Variants in HPSE2 observed in about 807,000 individuals in gnomAD.
HPSE2 encodes inactive heparanase-2.
Under a neutral mutation model 60.5 loss-of-function variants are expected in HPSE2, and 38 were observed. The ratio of observed to expected loss-of-function variants is 0.63; its 90% CI spans 0.48 to 0.82. The LOEUF (loss-of-function observed/expected upper bound fraction) is 0.82. Among genes scored for constraint, HPSE2 ranks in the 40% least tolerant of loss-of-function variants. HPSE2 has a pLI of 0.00. For synonymous variants in HPSE2, 295 were observed against 293.2 expected (o/e 1.01, Z -0.06); for missense variants, 713 against 740.4 (o/e 0.96, Z 0.43).
intron 9 of HPSE2, among the ~76,000 whole-genome samples, chr10:98,493,920 A>AT (rs1941744382): frequency 6.6e-6 from 1 of 152,068 alleles, no homozygotes; most frequent in Admixed American, 6.5e-5. Context: ...AAATGTTTAA[A>AT]TTCCTTTCTC....
chr10:98,705,714 A>G (rs1270940532), intron 5 of HPSE2, among the ~76,000 whole-genome samples: 2 of 152,136 alleles, frequency 1.3e-5, no homozygotes, highest in Non-Finnish European at 2.9e-5. Flanking sequence ...ATGAGAACAC[A>G]TGGACACAGG....
chr10:98,771,314 C>G (rs143397784), intron 3 of HPSE2, among the ~76,000 whole-genome samples: 6 of 152,090 alleles, frequency 3.9e-5, no homozygotes, highest in African/African-American at 4.8e-5. Flanking sequence ...AACCCAGTAC[C>G]CTGAAATATG....
intron 11 of HPSE2, among the ~76,000 whole-genome samples, chr10:98,470,607 G>C (rs781532738): frequency 1.3e-5 from 2 of 152,232 alleles, no homozygotes; most frequent in Admixed American, 6.5e-5. Flanking sequence ...AGGGGAAGAA[G>C]AAGACGAGGG....
intron 4 of HPSE2, among the ~76,000 whole-genome samples, chr10:98,728,834 C>G (rs977552395): frequency 2.0e-5 from 3 of 151,824 alleles, no homozygotes; most frequent in African/African-American, 7.3e-5. Flanking sequence ...ACAGTGAAAC[C>G]CCATGTCTAC....
intron 3 of HPSE2, among the ~76,000 whole-genome samples, chr10:99,055,227 T>C (rs1177957611): frequency 1.3e-5 from 2 of 152,066 alleles, no homozygotes; most frequent in Non-Finnish European, 2.9e-5. Context: ...CTATTGTAAA[T>C]ATGTAAAGAA....
chr10:99,074,618 T>C (rs1348748710), intron 3 of HPSE2, among the ~76,000 whole-genome samples: 1 of 152,158 alleles, frequency 6.6e-6, no homozygotes, highest in South Asian at 2.1e-4. Context: ...TGGACGAGTT[T>C]GAGAAGGATC....
chr10:98,563,040 C>T (rs189544109), intron 9 of HPSE2, among the ~76,000 whole-genome samples: 2 of 152,266 alleles, frequency 1.3e-5, no homozygotes, highest in East Asian at 3.9e-4. Context: ...AAAGGTTACA[C>T]ACAGAGTTAC....
intron 3 of HPSE2, among the ~76,000 whole-genome samples, chr10:98,990,740 G>A (rs1292504840): frequency 1.3e-5 from 2 of 152,092 alleles, no homozygotes; most frequent in Admixed American, 6.5e-5. Flanking sequence ...TTAGATCCTG[G>A]AGCTCTAGCA....
chr10:98,620,374 A>G (rs1946040428), intron 8 of HPSE2, among the ~76,000 whole-genome samples: 1 of 152,202 alleles, frequency 6.6e-6, no homozygotes, highest in Non-Finnish European at 1.5e-5. Context: ...TATTACTGTT[A>G]CTACTATTAC....
At chr10:98,956,254 T>TA (rs992293888) in intron 3 of HPSE2, among the ~76,000 whole-genome samples, 8 of 150,876 alleles carry the variant, frequency 5.3e-5, no homozygotes, top group South Asian at 4.2e-4. Context: ...GGACAAACAA[T>TA]AAAAAAAAGA....
intron 3 of HPSE2, among the ~76,000 whole-genome samples, chr10:99,089,395 T>C (rs1843436033): frequency 6.6e-6 from 1 of 152,188 alleles, no homozygotes; most frequent in Non-Finnish European, 1.5e-5. Context: ...ACATGTGGCT[T>C]GCCAGTTATC....
chr10:99,180,632 C>G (rs1847722117), intron 2 of HPSE2, among the ~76,000 whole-genome samples: 3 of 152,000 alleles, frequency 2.0e-5, no homozygotes, highest in Admixed American at 6.6e-5. Context: ...TGCCTGTAAT[C>G]CTAGCCCTAT....
intron 3 of HPSE2, among the ~76,000 whole-genome samples, chr10:99,118,750 C>T (rs1844816044): frequency 6.6e-6 from 1 of 152,008 alleles, no homozygotes; most frequent in Non-Finnish European, 1.5e-5. Flanking sequence ...AGTGTGGTGG[C>T]TCACGCCTGT....
chr10:98,541,855 C>T (rs1265809553), intron 9 of HPSE2, among the ~76,000 whole-genome samples: 7 of 152,194 alleles, frequency 4.6e-5, no homozygotes, highest in Non-Finnish European at 8.8e-5. Context: ...CTCAAGGAGG[C>T]CTGCCTGCCT....
chr10:99,236,190 A>G (rs1849849492), upstream of HPSE2, among the ~76,000 whole-genome samples: 1 of 151,466 alleles, frequency 6.6e-6, no homozygotes. Flanking sequence ...AGCAGGCGGG[A>G]AGGAGGAGAA....
At chr10:98,965,628 C>T (rs1200208497) in intron 3 of HPSE2, among the ~76,000 whole-genome samples, 1 of 152,138 alleles carries the variant, frequency 6.6e-6, no homozygotes, top group Non-Finnish European at 1.5e-5. Flanking sequence ...CTCTCCTCTA[C>T]ACCTACACAA....
At chr10:98,479,626 T>C (rs937205529) in intron 11 of HPSE2, among the ~76,000 whole-genome samples, 2 of 152,092 alleles carry the variant, frequency 1.3e-5, no homozygotes, top group African/African-American at 4.8e-5. Context: ...GCCAATGAGG[T>C]CTAGAATAGG....
At chr10:98,559,960 T>C (rs774938262) in intron 9 of HPSE2, among the ~76,000 whole-genome samples, 19 of 152,270 alleles carry the variant, frequency 1.2e-4, no homozygotes, top group Admixed American at 9.8e-4. Context: ...TATTTCACTG[T>C]GCCTGTATGT....
intron 3 of HPSE2, among the ~76,000 whole-genome samples, chr10:98,826,336 C>T (rs1951547148): frequency 6.6e-6 from 1 of 152,038 alleles, no homozygotes; most frequent in Admixed American, 6.6e-5. Context: ...TTCATTTTAC[C>T]ACACTGTATA....
Sources: allele counts gnomAD v4.1 joint callset (sites outside exome capture counted in the v4.1 genomes callset), GRCh38; gene constraint gnomAD v4.1.1; transcripts MANE v1.5; gene names NCBI Gene and HGNC (gene_info 2026-07-23, HGNC 2026-07-21).